Variants in IMMP2L observed in about 807,000 individuals in gnomAD.
The protein encoded by IMMP2L is mitochondrial inner membrane protease subunit 2.
A neutral mutation model predicts 19.3 loss-of-function variants in IMMP2L; 18 were observed. The ratio of observed to expected loss-of-function variants is 0.93; its 90% confidence interval spans 0.64 to 1.38. The LOEUF (loss-of-function observed/expected upper bound fraction) is 1.38, where lower values mean the gene tolerates loss of function less well. Among genes scored for constraint, IMMP2L ranks in the 40% most tolerant of loss-of-function variants. The pLI, the probability that IMMP2L is intolerant of heterozygous loss-of-function variation, is 0.00. For missense variants in IMMP2L, 233 were observed against 218.2 expected (o/e 1.07, Z -0.43); for synonymous variants, 76 against 73.0 (o/e 1.04, Z -0.21).
chr7:110,923,935 A>C (rs1814566759), intron 4 of IMMP2L, among the ~76,000 whole-genome samples: 1 of 152,156 alleles, frequency 6.6e-6, no homozygotes, highest in South Asian at 2.1e-4. Context: ...TTGACAAGAG[A>C]AGCCCAGGAA....
At position 110,706,784 on chromosome 7, in the gene IMMP2L, A is replaced by C. The variant is rs899277032; in HGVS notation, c.409-43063T>G. On this transcript the variant is annotated intron_variant, in intron 5 of 5. Transcript: ENST00000405709. ...GCATAGGTTGTGAATATTTTCTCTT[A>C]TTCTGTAGGTTGCCTGCTTACTCTA... Among the ~76,000 whole-genome samples, 10 of 151,952 alleles carry C rather than the reference A, an allele frequency of 6.6e-5. No individual in the cohort carries two copies. In the South Asian group the frequency reaches 1.9e-3, roughly 28 times the overall value.
chr7:111,325,001 C>G (rs1199741975), intron 3 of IMMP2L, among the ~76,000 whole-genome samples: 1 of 151,560 alleles, frequency 6.6e-6, no homozygotes, highest in African/African-American at 2.4e-5. Context: ...GTGTGGGATG[C>G]CATTTCATTA....
chr7:111,229,955 A>G (rs1813543288), intron 3 of IMMP2L, among the ~76,000 whole-genome samples: 1 of 152,054 alleles, frequency 6.6e-6, no homozygotes, highest in Non-Finnish European at 1.5e-5. Flanking sequence ...CTTAAATGTA[A>G]TTCCAAAAAA....
rs114659158 is a variant in IMMP2L at position 110,796,587 on chromosome 7, A to C, written c.408+90006T>G. Reference sequence around the variant, plus strand: ...CAATCTCAATTTCTTTCAAATACTAAGAATATACACTATATTATGTTATTT... The same window carrying C: ...CAATCTCAATTTCTTTCAAATACTACGAATATACACTATATTATGTTATTT... On this transcript the variant is annotated intron_variant, in intron 5 of 5. Transcript: ENST00000405709. Among the ~76,000 whole-genome samples the C allele has an allele frequency of 8.4e-4, 128 of 152,174 alleles. 1 individual carries two copies. Among genetic ancestry groups the C allele is most frequent in the African/African-American group, 2.7e-3 (113 of 41,566 alleles).
intron 3 of IMMP2L, among the ~76,000 whole-genome samples, chr7:111,034,255 G>C (rs967755612): frequency 6.6e-6 from 1 of 152,016 alleles, no homozygotes; most frequent in South Asian, 2.1e-4. Flanking sequence ...GATGAATTAA[G>C]ATAAAATTCT....
At chr7:111,060,613 A>C (rs572611023) in intron 3 of IMMP2L, among the ~76,000 whole-genome samples, 227 of 152,310 alleles carry the variant, frequency 1.5e-3, no homozygotes, top group Non-Finnish European at 2.7e-3. Flanking sequence ...TCAGCTTTCT[A>C]AGCATCAGTC....
At chr7:110,987,170 G>A (rs1481152791) in intron 3 of IMMP2L, among the ~76,000 whole-genome samples, 1 of 152,112 alleles carries the variant, frequency 6.6e-6, no homozygotes, top group Non-Finnish European at 1.5e-5. Context: ...GAAAGAAGCA[G>A]GTTGAACTAA....
chr7:111,051,937 T>C (rs1793044358), intron 3 of IMMP2L, among the ~76,000 whole-genome samples: 1 of 152,182 alleles, frequency 6.6e-6, no homozygotes, highest in Non-Finnish European at 1.5e-5. Flanking sequence ...AAATGTAGCT[T>C]AGGCCTTGAC....
intron 3 of IMMP2L, among the ~76,000 whole-genome samples, chr7:111,285,562 G>A (rs781170826): frequency 6.6e-6 from 1 of 152,096 alleles, no homozygotes; most frequent in African/African-American, 2.4e-5. Context: ...AATCATACAA[G>A]AATTACATAA....
intron 1 of IMMP2L, among the ~76,000 whole-genome samples, chr7:111,551,405 A>G (rs1285092382): frequency 6.6e-6 from 1 of 152,144 alleles, no homozygotes; most frequent in Non-Finnish European, 1.5e-5. Flanking sequence ...AGATTCTGAA[A>G]GTTATACCTA....
At chr7:111,292,296 C>A (rs1183535792) in intron 3 of IMMP2L, among the ~76,000 whole-genome samples, 1 of 152,056 alleles carries the variant, frequency 6.6e-6, no homozygotes, top group African/African-American at 2.4e-5. Context: ...CCTCTGGATT[C>A]TCTCCAAATT....
At chr7:110,692,536 A>C (rs1324067843) in intron 5 of IMMP2L, among the ~76,000 whole-genome samples, 2 of 152,054 alleles carry the variant, frequency 1.3e-5, no homozygotes, top group African/African-American at 2.4e-5. Flanking sequence ...GGCTCTGCTA[A>C]ATATAATATC....
At chr7:110,978,731 A>G (rs1191899050) in intron 3 of IMMP2L, among the ~76,000 whole-genome samples, 3 of 152,094 alleles carry the variant, frequency 2.0e-5, no homozygotes, top group African/African-American at 4.8e-5. Context: ...GAAAGAAAAA[A>G]GTATTTAACC....
At chr7:111,552,719 C>T (rs903509833) in intron 1 of IMMP2L, among the ~76,000 whole-genome samples, 1 of 152,158 alleles carries the variant, frequency 6.6e-6, no homozygotes, top group Non-Finnish European at 1.5e-5. Context: ...CAAGACAGTC[C>T]ACAATGATCC....
intron 1 of IMMP2L, among the ~76,000 whole-genome samples, chr7:111,545,953 T>C (rs978870389): frequency 6.6e-6 from 1 of 152,118 alleles, no homozygotes; most frequent in African/African-American, 2.4e-5. Context: ...TATAAGAAAA[T>C]ACATTTCTTA....
At chr7:111,262,720 T>A (rs1817446656) in intron 3 of IMMP2L, among the ~76,000 whole-genome samples, 1 of 152,160 alleles carries the variant, frequency 6.6e-6, no homozygotes. Context: ...TGGAGATGTT[T>A]CATAATTTAA....
chr7:111,381,733 G>A (rs967765890), intron 3 of IMMP2L, among the ~76,000 whole-genome samples: 3 of 151,948 alleles, frequency 2.0e-5, no homozygotes, highest in African/African-American at 7.3e-5. Flanking sequence ...GTGACTGACT[G>A]AGTATAAGGA....
At chr7:110,705,989 T>C (rs1794651545) in intron 5 of IMMP2L, among the ~76,000 whole-genome samples, 1 of 152,126 alleles carries the variant, frequency 6.6e-6, no homozygotes, top group Non-Finnish European at 1.5e-5. Context: ...GTTGATTCCT[T>C]CTCTTTGCTA....
chr7:111,159,629 T>C (rs1247125165), intron 3 of IMMP2L, among the ~76,000 whole-genome samples: 3 of 152,136 alleles, frequency 2.0e-5, no homozygotes, highest in Non-Finnish European at 4.4e-5. Context: ...AGAAGGCCTG[T>C]GTTTTGTTTC....
Sources: gnomAD v4.1 joint callset for allele counts (sites outside exome capture counted in the v4.1 genomes callset) on GRCh38, gnomAD v4.1.1 for gene constraint, MANE v1.5 for transcripts, NCBI Gene and HGNC (gene_info 2026-07-23, HGNC 2026-07-21) for gene names.